Variants in NDST3 observed in about 807,000 individuals in gnomAD.
NDST3 encodes bifunctional heparan sulfate N-deacetylase/N-sulfotransferase 3.
A neutral mutation model predicts 96.1 loss-of-function variants in NDST3; 58 were observed. The observed-to-expected ratio is 0.60, with a 90% CI of 0.49 to 0.75. NDST3 has a LOEUF of 0.75. NDST3 is among the 30% of genes least tolerant of loss of function. The pLI is 0.00. For synonymous variants in NDST3, 333 were observed against 359.7 expected (o/e 0.93, Z 0.84); for missense variants, 788 against 1,034.2 (o/e 0.76, Z 3.27).
intron 3 of NDST3, among the ~76,000 whole-genome samples, chr4:118,112,071 C>A (rs533542070): frequency 6.6e-6 from 1 of 151,552 alleles, no homozygotes; most frequent in East Asian, 2.0e-4. Context: ...TCAGATAAGA[C>A]AAATCTATAA....
chr4:118,189,924 T>A (rs1737195808), intron 6 of NDST3, among the ~76,000 whole-genome samples: 2 of 152,280 alleles, frequency 1.3e-5, no homozygotes, highest in South Asian at 4.1e-4. Context: ...TTTCCATAGG[T>A]CTTTTATGTT....
intron 13 of NDST3, among the ~76,000 whole-genome samples, chr4:118,254,659 G>T (rs992522296): frequency 3.9e-5 from 6 of 152,026 alleles, no homozygotes; most frequent in Non-Finnish European, 5.9e-5. Context: ...ATTTTGATTT[G>T]TAAATTTTTT....
intron 2 of NDST3, 36 bp downstream of exon 2, chr4:118,054,927 T>C (rs201060659): frequency 6.2e-7 from 1 of 1,600,650 alleles, no homozygotes; most frequent in East Asian, 2.2e-5. Flanking sequence ...AAAGTTCAGT[T>C]CATCTTCCAG....
At chr4:118,130,277 T>C (rs930826718) in intron 4 of NDST3, among the ~76,000 whole-genome samples, 4 of 152,052 alleles carry the variant, frequency 2.6e-5, no homozygotes, top group Non-Finnish European at 5.9e-5. Context: ...CTTTTCTTCC[T>C]TCCTGTCTTC....
intron 6 of NDST3, among the ~76,000 whole-genome samples, chr4:118,210,287 C>T (rs945369605): frequency 6.6e-6 from 1 of 152,056 alleles, no homozygotes; most frequent in Non-Finnish European, 1.5e-5. Flanking sequence ...GAGGGGGACA[C>T]AGTAGGTTGT....
At chr4:118,036,869 T>C (rs188383427) in intron 1 of NDST3, among the ~76,000 whole-genome samples, 129 of 152,362 alleles carry the variant, frequency 8.5e-4, no homozygotes, top group African/African-American at 3.0e-3. Context: ...TACTGAGGGC[T>C]ATAATTCTTG....
chr4:118,141,057 T>C (rs538498512), intron 5 of NDST3, among the ~76,000 whole-genome samples: 2 of 152,138 alleles, frequency 1.3e-5, no homozygotes, highest in African/African-American at 4.8e-5. Context: ...TCCCCAGAAG[T>C]ATTTGTTGGC....
intron 6 of NDST3, among the ~76,000 whole-genome samples, chr4:118,159,682 T>C (rs904947168): frequency 1.3e-5 from 2 of 151,856 alleles, no homozygotes; most frequent in African/African-American, 4.8e-5. Context: ...GAAAAATGGA[T>C]GAACAAAGTG....
At chr4:118,197,585 G>A (rs1461618278) in intron 6 of NDST3, among the ~76,000 whole-genome samples, 1 of 151,956 alleles carries the variant, frequency 6.6e-6, no homozygotes, top group African/African-American at 2.4e-5. Context: ...TATTCTTACA[G>A]TTTTTGTCTT....
intron 2 of NDST3, among the ~76,000 whole-genome samples, chr4:118,070,036 C>T (rs4558930): frequency 0.75 from 114,399 of 151,986 alleles, 45,722 homozygotes; most frequent in South Asian, 0.92. Context: ...GAGCAACTTA[C>T]TGAAATGTGT....
intron 6 of NDST3, among the ~76,000 whole-genome samples, chr4:118,148,281 G>A (rs1370083917): frequency 6.6e-6 from 1 of 152,190 alleles, no homozygotes; most frequent in African/African-American, 2.4e-5. Context: ...CTGGGCGACA[G>A]AGCGAGACTC....
intron 6 of NDST3, among the ~76,000 whole-genome samples, chr4:118,192,528 A>G (rs1479138614): frequency 1.3e-5 from 2 of 152,028 alleles, no homozygotes; most frequent in Non-Finnish European, 2.9e-5. Flanking sequence ...AGCACTATTT[A>G]TTGAAGAGAT....
At chr4:118,213,739 T>G (rs1738996195) in intron 6 of NDST3, among the ~76,000 whole-genome samples, 1 of 150,188 alleles carries the variant, frequency 6.7e-6, no homozygotes, top group East Asian at 1.9e-4. Context: ...ATATATACTT[T>G]TTTATATAAA....
intron 6 of NDST3, among the ~76,000 whole-genome samples, chr4:118,182,236 G>A (rs547062437): frequency 4.6e-5 from 7 of 152,206 alleles, no homozygotes; most frequent in East Asian, 3.9e-4. Context: ...CCAAGTTCTC[G>A]GGACACGAAT....
At chr4:118,096,465 T>G (rs1042191954) in intron 2 of NDST3, among the ~76,000 whole-genome samples, 7 of 151,802 alleles carry the variant, frequency 4.6e-5, no homozygotes, top group African/African-American at 1.7e-4. Flanking sequence ...AAATGGACTT[T>G]AATTAGAAAA....
chr4:118,111,547 T>C (rs1730636742), intron 3 of NDST3, among the ~76,000 whole-genome samples: 1 of 151,124 alleles, frequency 6.6e-6, no homozygotes, highest in Admixed American at 6.6e-5. Flanking sequence ...TTTTTTTTTT[T>C]TTTTTTTGAG....
rs563605431 is a variant in NDST3, at chr4:118,178,874, C to T, written c.1539+35190C>T. Reference sequence around the variant, plus strand: ...TCCTGTTGCTTTGATACTAGCTATCCTAATAAGTTTGAGATTATTTTAGTA... The same window carrying T: ...TCCTGTTGCTTTGATACTAGCTATCTTAATAAGTTTGAGATTATTTTAGTA... On this transcript the variant is annotated intron_variant, in intron 6 of 13. Transcript: ENST00000296499. Among the ~76,000 whole-genome samples the T allele has an allele frequency of 2.0e-4, 30 of 152,122 alleles. 1 individual carries two copies. The highest frequency in any genetic ancestry group is 3.4e-3 in the Middle Eastern group (1 of 294).
intron 6 of NDST3, among the ~76,000 whole-genome samples, chr4:118,146,755 C>T (rs1476565739): frequency 1.3e-5 from 2 of 152,180 alleles, no homozygotes; most frequent in Non-Finnish European, 2.9e-5. Flanking sequence ...GCCTGGACAA[C>T]TCTCACGTAA....
intron 2 of NDST3, among the ~76,000 whole-genome samples, chr4:118,069,988 A>G (rs1726916261): frequency 6.6e-6 from 1 of 152,130 alleles, no homozygotes; most frequent in African/African-American, 2.4e-5. Context: ...CTTTCAAAAG[A>G]TACCAGGTTG....
Sources: allele counts gnomAD v4.1 joint callset (sites outside exome capture counted in the v4.1 genomes callset), GRCh38; gene constraint gnomAD v4.1.1; transcripts MANE v1.5; gene names NCBI Gene and HGNC (gene_info 2026-07-23, HGNC 2026-07-21).